TYK2: variants seen among roughly 807,000 people sequenced by gnomAD.
TYK2 encodes the protein non-receptor tyrosine-protein kinase TYK2.
A neutral mutation model predicts 130.9 loss-of-function variants in TYK2; 65 were observed. That is an observed-to-expected ratio of 0.50 (90% CI 0.41 to 0.61). TYK2 has a LOEUF of 0.61. Ranked by LOEUF, TYK2 falls within the 20% of genes least tolerant of loss-of-function variation. The probability of loss-of-function intolerance (pLI) is 0.00; values close to 1 mark genes in which losing one functional copy is unlikely to be tolerated. For missense variants in TYK2, 1,378 were observed against 1,610.7 expected, an observed-to-expected ratio of 0.86 and a Z score of 2.47; for synonymous variants, 647 against 658.9, an observed-to-expected ratio of 0.98 and a Z score of 0.28.
intron 3 of TYK2, among the ~76,000 whole-genome samples, chr19:10,375,098 G>A (rs2042065470): frequency 6.6e-6 from 1 of 151,158 alleles, no homozygotes; most frequent in Non-Finnish European, 1.5e-5. Context: ...AGCCTGGGCA[G>A]TTAGAGGCTG....
chr19:10,361,577 G>A lies in TYK2; in HGVS notation c.1981C>T (p.Leu661Phe), dbSNP rs868498627. The change falls in exon 14 of 25, where the codon CTC (leucine) becomes TTC (phenylalanine). Residue 661 changes from leucine (L) to phenylalanine (F), a missense_variant. Transcript: ENST00000525621. This position sits in a 1 kb window ranked among gnomAD's most constrained non-coding sequence, Gnocchi z 4.0. ...TGCGTGTGGGAGACCTGGCTCATGA[G>A]GCTGGCTGTCTCGTAGAAGGCCTGT... Reference protein sequence around the residue: ...IALAFYETASLMSQVSHTHLA... With the variant: ...IALAFYETASFMSQVSHTHLA... 5 of 1,549,152 alleles carry A rather than the reference G, an allele frequency of 3.2e-6. No homozygotes were observed. The highest frequency in any genetic ancestry group is 1.4e-5 in the African/African-American group (1 of 73,108).
At position 10,354,632 on chromosome 19, in the gene TYK2, A is replaced by G. The variant is rs202089807; in HGVS notation, c.2618-23T>C. On this transcript the variant is annotated intron_variant, in intron 18 of 24. Coordinates refer to ENST00000525621, the MANE Select transcript of TYK2 (RefSeq NM_003331.5). ...GATCTGGAAGAGTTGCGGTGGGTAA[A>G]GGCCTGACCCCGATCCTTTCCCCAG... is the stretch of plus-strand genomic sequence containing the variant. The G allele has an allele frequency of 2.1e-5, 33 of 1,595,912 alleles. No individual in the cohort carries two copies. In the East Asian group the frequency reaches 7.4e-4, roughly 36 times the overall value.
Position 10,364,928 on chromosome 19 carries a change from A to AG in TYK2, c.1131dup (p.Cys378LeufsTer2). On this transcript the variant is annotated frameshift_variant, in exon 8 of 25. Transcript: ENST00000525621. LOFTEE classifies it high-confidence loss of function. The surrounding 1 kb of genome is among the most constrained non-coding windows in gnomAD (Gnocchi z 4.9). ...ACGTGGGTGATGTCCCGGAAGTCACAGAAGTAGGCCCACAGTGGCTCCCGC... is the reference window on the plus strand; with the variant it reads ...ACGTGGGTGATGTCCCGGAAGTCACAGGAAGTAGGCCCACAGTGGCTCCCGC... The AG allele has an allele frequency of 6.2e-7, 1 of 1,614,226 alleles. No individual in the cohort carries two copies. Among genetic ancestry groups the AG allele is most frequent in the Non-Finnish European group, 8.5e-7 (1 of 1,180,038 alleles).
At chr19:10,366,755 A>G (rs896451881) in intron 5 of TYK2, among the ~76,000 whole-genome samples, 175 bp from the exon 6 acceptor site, 1 of 151,484 alleles carries the variant, frequency 6.6e-6, no homozygotes, top group East Asian at 1.9e-4. Context: ...AAAAAAAAGA[A>G]TATCGCAAGC....
chr19:10,353,180 G>A lies in TYK2; in HGVS notation c.3028-82C>T. 1 of 1,282,108 alleles carries A rather than the reference G, an allele frequency of 7.8e-7. No homozygotes were observed. The highest frequency in any genetic ancestry group is 1.7e-5 in the South Asian group (1 of 58,984). 79.4% of individuals were successfully genotyped at this position (1,282,108 alleles called of 1,614,324 possible). A position where few individuals can be genotyped will look rare whatever the true frequency, so the allele number is the denominator to read the frequency against. ...CGGCAGGACCTGAGCAGCCAGGAGG[G>A]CTGGGGGACAGTCAGGTCAGGCCGG... On this transcript the variant is annotated intron_variant, in intron 21 of 24. Coordinates refer to ENST00000525621, the MANE Select transcript of TYK2 (RefSeq NM_003331.5). This position sits in a 1 kb window ranked among gnomAD's most constrained non-coding sequence, Gnocchi z 6.9.
chr19:10,351,241 C>G, intron 23 of TYK2, 79 bp from the exon 24 acceptor site: 1 of 1,157,044 alleles, frequency 8.6e-7, no homozygotes, highest in South Asian at 1.3e-5. Context: ...AATCCCAGCA[C>G]TTTGGAAGGC....
Position 10,361,542 on chromosome 19 carries a change from G to A in TYK2, c.2016C>T (p.Phe672=), listed in dbSNP as rs1019896036. ...MSQVSHTHLA[F]VHGVCVRGPE... is the part of the protein sequence containing the mutation. ...GGCCGCGCACACAGACGCCATGCAC[G>A]AAGGCCAGGTGCGTGTGGGAGACCT... Residue 672 remains phenylalanine, a synonymous_variant, in exon 14 of 25, where the codon TTC becomes TTT. Transcript: ENST00000525621. The surrounding 1 kb of genome is among the most constrained non-coding windows in gnomAD (Gnocchi z 4.0). 6.3e-5 allele frequency: 98 copies of A among 1,547,346 alleles called. No individual in the cohort carries two copies. Among genetic ancestry groups the A allele is most frequent in the East Asian group, 1.2e-4 (5 of 41,004 alleles).
chr19:10,367,974 G>T, intron 5 of TYK2, 81 bp downstream of exon 5: 11 of 1,477,742 alleles, frequency 7.4e-6, no homozygotes, highest in East Asian at 2.3e-5. Context: ...TAGCTATATT[G>T]AATCAGGGAG....
Position 10,378,224 on chromosome 19 carries a change from T to G in TYK2, c.183A>C (p.Ala61=). The change falls in exon 3 of 25, where the codon GCA becomes GCC. Residue 61 remains alanine, a synonymous_variant. Coordinates refer to ENST00000525621, the MANE Select transcript of TYK2 (RefSeq NM_003331.5). The part of the protein sequence containing the change: ...LTAEEVCIHI[A]HKVGITPPCF... Reference sequence around the variant, plus strand: ...ACGCCCCAGACTCACCAACTTTATGTGCAATGTGGATGCAGACTTCCTCAG... The same window carrying G: ...ACGCCCCAGACTCACCAACTTTATGGGCAATGTGGATGCAGACTTCCTCAG... 6.2e-7 allele frequency: 1 copy of G among 1,612,804 alleles called. No individual in the cohort carries two copies. The highest frequency in any genetic ancestry group is 1.1e-5 in the South Asian group (1 of 91,082).
Position 10,364,947 on chromosome 19 carries a change from C to T in TYK2, c.1113G>A (p.Glu371=). The T allele has an allele frequency of 1.2e-6, 2 of 1,614,186 alleles. No homozygotes were observed. The highest frequency in any genetic ancestry group is 1.7e-6 in the Non-Finnish European group (2 of 1,180,038). ...AGTCACAGAAGTAGGCCCACAGTGG[C>T]TCCCGCGGCCTGTCTGCCGGCTGGC... ...AVGQPADRPR[E]PLWAYFCDFR... is the part of the protein sequence containing the mutation. The change falls in exon 8 of 25, where the codon GAG becomes GAA. Residue 371 remains glutamate, a synonymous_variant. Transcript: ENST00000525621. The surrounding 1 kb of genome is among the most constrained non-coding windows in gnomAD (Gnocchi z 4.9).
chr19:10,362,975 C>A (rs1481465544), intron 9 of TYK2, among the ~76,000 whole-genome samples: 1 of 150,324 alleles, frequency 6.7e-6, no homozygotes, highest in Non-Finnish European at 1.5e-5. Context: ...TCAAGCAATT[C>A]TCTTGCCTCA....
At chr19:10,366,381 C>T (rs202145306) in intron 6 of TYK2, 36 bp downstream of exon 6, 664 of 1,598,704 alleles carry the variant, frequency 4.2e-4, no homozygotes, top group Middle Eastern at 2.7e-3. Context: ...ACATTTCCCC[C>T]TGCCTACACA....
At chr19:10,354,300 T>C in intron 19 of TYK2, 66 bp from the exon 20 acceptor site, 1 of 1,575,178 alleles carries the variant, frequency 6.3e-7, no homozygotes, top group Non-Finnish European at 8.6e-7. Flanking sequence ...CAACCCCCGA[T>C]TTCCCGGGCC....
At chr19:10,354,402 A>G (rs2040976025) in intron 19 of TYK2, 110 bp downstream of exon 19, 2 of 1,355,552 alleles carry the variant, frequency 1.5e-6, no homozygotes, top group Non-Finnish European at 2.1e-6. Context: ...CTCAAAGCAG[A>G]GGGTCCCACC....
Position 10,368,167 on chromosome 19 carries a change from C to G in TYK2, c.353G>C (p.Arg118Pro). Residue 118 changes from arginine (R) to proline (P), a missense_variant, in exon 5 of 25, where the codon CGG becomes CCG. Transcript: ENST00000525621. The stretch of plus-strand genomic sequence containing the variant: ...CCCACAACGGTACACAGCCGGTTCC[C>G]GAGGATTCATGCCATGCCAGTTCCG... ...YFRNWHGMNPREPAVYRCGPP... is the reference protein window; with the variant it reads ...YFRNWHGMNPPEPAVYRCGPP... 1 of 1,614,046 alleles carries G rather than the reference C, an allele frequency of 6.2e-7. No homozygotes were observed. The highest frequency in any genetic ancestry group is 8.5e-7 in the Non-Finnish European group (1 of 1,180,014).
In TYK2 at chr19:10,364,928, A is replaced by C. The variant is rs746724395; in HGVS notation, c.1132T>G (p.Cys378Gly). 6.2e-7 allele frequency: 1 copy of C among 1,614,226 alleles called. No individual in the cohort carries two copies. Among genetic ancestry groups the C allele is most frequent in the South Asian group, 1.1e-5 (1 of 91,092 alleles). Reference protein sequence around the residue: ...RPREPLWAYFCDFRDITHVVL... With the variant: ...RPREPLWAYFGDFRDITHVVL... ...ACGTGGGTGATGTCCCGGAAGTCACAGAAGTAGGCCCACAGTGGCTCCCGC... is the reference window on the plus strand; with the variant it reads ...ACGTGGGTGATGTCCCGGAAGTCACCGAAGTAGGCCCACAGTGGCTCCCGC... The change falls in exon 8 of 25, where the codon TGT becomes GGT. Residue 378 changes from cysteine (C) to glycine (G), a missense_variant. By Grantham distance (159) the Cys-to-Gly change is radical. Coordinates refer to ENST00000525621, the MANE Select transcript of TYK2 (RefSeq NM_003331.5). The surrounding 1 kb of genome is among the most constrained non-coding windows in gnomAD (Gnocchi z 4.9).
intron 14 of TYK2, among the ~76,000 whole-genome samples, chr19:10,360,652 G>C (rs2041354435): frequency 6.6e-6 from 1 of 151,612 alleles, no homozygotes; most frequent in Non-Finnish European, 1.5e-5. Flanking sequence ...TGTCGGCCAG[G>C]GTCCAGGGGA....
At chr19:10,377,515 A>AGTGG (rs1568346384) in intron 3 of TYK2, among the ~76,000 whole-genome samples, 2 of 9,038 alleles carry the variant, frequency 2.2e-4, no homozygotes, top group African/African-American at 9.6e-4. Context: ...TGAGTGGGTG[A>AGTGG]GTGGGTGGGT....
chr19:10,377,996 G>A (rs1269423165), intron 3 of TYK2, among the ~76,000 whole-genome samples: 1 of 134,026 alleles, frequency 7.5e-6, no homozygotes, highest in Non-Finnish European at 1.6e-5. Context: ...GTGGATGGGA[G>A]GATGGATGGA....
Sources: allele counts gnomAD v4.1 joint callset (sites outside exome capture counted in the v4.1 genomes callset), GRCh38; gene constraint gnomAD v4.1.1; non-coding constraint Gnocchi (gnomAD v3.1); transcripts MANE v1.5; gene names NCBI Gene and HGNC (gene_info 2026-07-23, HGNC 2026-07-21).